The following RPH3A variants were observed in gnomAD, a reference collection of about 807,000 sequenced individuals.
The protein encoded by RPH3A is rabphilin-3A.
Under a neutral mutation model 102.2 loss-of-function variants are expected in RPH3A, and 48 were observed. The observed-to-expected ratio is 0.47, with a 90% confidence interval of 0.37 to 0.60. RPH3A has a LOEUF of 0.60. Among genes scored for constraint, RPH3A ranks in the 20% least tolerant of loss-of-function variants. The pLI is 0.00. For missense variants in RPH3A, 781 were observed against 910.1 expected (o/e 0.86, Z 1.83); for synonymous variants, 310 against 324.3 (o/e 0.96, Z 0.47).
chr12:112,749,444 A>T (rs929937140), intron 1 of RPH3A, among the ~76,000 whole-genome samples: 3 of 152,142 alleles, frequency 2.0e-5, no homozygotes, highest in Non-Finnish European at 4.4e-5. Flanking sequence ...GAACTCAATC[A>T]TCTTTCAGTT....
At chr12:112,582,944 G>C (rs1165859842) in intron 1 of RPH3A, among the ~76,000 whole-genome samples, 1 of 151,996 alleles carries the variant, frequency 6.6e-6, no homozygotes, top group African/African-American at 2.4e-5. Context: ...CTCTTTCAAT[G>C]GTTCTATTTG....
chr12:112,621,682 A>T (rs1191491296), intron 1 of RPH3A, among the ~76,000 whole-genome samples: 1 of 152,014 alleles, frequency 6.6e-6, no homozygotes, highest in African/African-American at 2.4e-5. Context: ...GCAGCCAGGA[A>T]GCTCGAACTG....
chr12:112,650,971 TCCTC>T (rs2039970790), intron 1 of RPH3A: 1 of 151,846 alleles, frequency 6.6e-6, no homozygotes, highest in South Asian at 2.1e-4. Context: ...CCTCAAGTGA[TCCTC>T]CCACCTTGGC....
intron 1 of RPH3A, among the ~76,000 whole-genome samples, chr12:112,604,643 C>T (rs1694672277): frequency 6.6e-6 from 1 of 152,172 alleles, no homozygotes; most frequent in African/African-American, 2.4e-5. Context: ...TTTACGATCT[C>T]ATGTACTTTC....
At chr12:112,752,968 CTT>C (rs3037266) in intron 1 of RPH3A, among the ~76,000 whole-genome samples, 65,901 of 117,870 alleles carry the variant, frequency 0.56, 16,775 homozygotes, top group East Asian at 0.72. Context: ...GTCCAGTTTT[CTT>C]TTTTTTTTTT....
At chr12:112,824,454 T>C (rs150610962) in intron 2 of RPH3A, among the ~76,000 whole-genome samples, 1 of 152,154 alleles carries the variant, frequency 6.6e-6, no homozygotes, top group African/African-American at 2.4e-5. Context: ...GGGATCCAGA[T>C]GAGGAATCAA....
Position 112,661,537 on chromosome 12 carries a change from G to A in RPH3A, c.-140+86218G>A, listed in dbSNP as rs141168599. ...ATTCTTGTTTAGGTTTTAGGAAATAGCGTGTTTTATTTAAAAGGCAAAAAT... is the reference window on the plus strand; with the variant it reads ...ATTCTTGTTTAGGTTTTAGGAAATAACGTGTTTTATTTAAAAGGCAAAAAT... On this transcript the variant is annotated intron_variant, in intron 1 of 21. Coordinates refer to the RPH3A transcript ENST00000543106. 6.6e-3 allele frequency among the ~76,000 whole-genome samples: 1,008 copies of A among 152,300 alleles called. 6 individuals carry two copies. The highest frequency in any genetic ancestry group is 0.031 in the Middle Eastern group (9 of 294).
At chr12:112,803,486 ATAT>A (rs138267182) in intron 2 of RPH3A, among the ~76,000 whole-genome samples, 73 of 150,320 alleles carry the variant, frequency 4.9e-4, no homozygotes, top group East Asian at 2.1e-3. Flanking sequence ...TGGGAAGGAG[ATAT>A]TATTATTATT....
At chr12:112,779,948 A>T (rs1293828455) in intron 1 of RPH3A, among the ~76,000 whole-genome samples, 1 of 152,154 alleles carries the variant, frequency 6.6e-6, no homozygotes, top group African/African-American at 2.4e-5. Context: ...CAGTGATTGG[A>T]GTGAAGCAGC....
chr12:112,717,240 A>G (rs1351128489), intron 1 of RPH3A, among the ~76,000 whole-genome samples: 2 of 152,160 alleles, frequency 1.3e-5, no homozygotes, highest in Admixed American at 1.3e-4. Flanking sequence ...TGACGAATGC[A>G]TAGTGACGTA....
chr12:112,794,607 T>C (rs979845197), intron 2 of RPH3A, among the ~76,000 whole-genome samples: 6 of 152,188 alleles, frequency 3.9e-5, no homozygotes, highest in Admixed American at 3.3e-4. Flanking sequence ...GGCTCTGCTC[T>C]GAAAAGATGC....
chr12:112,589,820 C>T (rs559504631), intron 1 of RPH3A, among the ~76,000 whole-genome samples: 66 of 152,304 alleles, frequency 4.3e-4, no homozygotes, highest in African/African-American at 1.5e-3. Flanking sequence ...TGGTGGCTCA[C>T]GCCTGTAATC....
At chr12:112,662,363 C>T (rs1315974824) in intron 1 of RPH3A, among the ~76,000 whole-genome samples, 1 of 152,194 alleles carries the variant, frequency 6.6e-6, no homozygotes, top group Admixed American at 6.5e-5. Flanking sequence ...ATCCATCCAT[C>T]CATCAGTCCA....
chr12:112,583,889 G>A (rs1384114151), intron 1 of RPH3A, among the ~76,000 whole-genome samples: 1 of 152,172 alleles, frequency 6.6e-6, no homozygotes, highest in Admixed American at 6.5e-5. Context: ...GTGAGGCCAA[G>A]TCAGGAGAAT....
At chr12:112,707,452 T>A (rs2040433732) in intron 1 of RPH3A, among the ~76,000 whole-genome samples, 2 of 152,198 alleles carry the variant, frequency 1.3e-5, no homozygotes, top group African/African-American at 4.8e-5. Context: ...CTAGGAAGAT[T>A]GCCTCACTTC....
intron 1 of RPH3A, among the ~76,000 whole-genome samples, chr12:112,656,684 G>C (rs993752967): frequency 2.0e-5 from 3 of 152,006 alleles, no homozygotes; most frequent in Non-Finnish European, 4.4e-5. Flanking sequence ...TTGATTTTCT[G>C]TTTCTGAGTT....
chr12:112,859,069 G>T (rs2042464544), intron 5 of RPH3A, among the ~76,000 whole-genome samples: 1 of 152,168 alleles, frequency 6.6e-6, no homozygotes, highest in South Asian at 2.1e-4. Context: ...TGAGAGAAAG[G>T]GATGGAGACA....
intron 1 of RPH3A, among the ~76,000 whole-genome samples, chr12:112,624,092 C>T (rs1379635585): frequency 6.9e-6 from 1 of 145,338 alleles, no homozygotes; most frequent in Non-Finnish European, 1.5e-5. Flanking sequence ...CACTAAATGC[C>T]CACAAGAGAA....
At chr12:112,597,185 T>C (rs1204590598) in intron 1 of RPH3A, among the ~76,000 whole-genome samples, 1 of 152,280 alleles carries the variant, frequency 6.6e-6, no homozygotes, top group East Asian at 1.9e-4. Flanking sequence ...GAACTGTGAT[T>C]GTTGAGAAAA....
Sources: allele counts gnomAD v4.1 joint callset (sites outside exome capture counted in the v4.1 genomes callset), GRCh38; gene constraint gnomAD v4.1.1; transcripts MANE v1.5; gene names NCBI Gene and HGNC (gene_info 2026-07-23, HGNC 2026-07-21).